Variants in SPTBN1 observed in about 807,000 individuals in gnomAD.
The protein encoded by SPTBN1 is spectrin beta, non-erythrocytic 1, also known as spectrin beta chain, non-erythrocytic 1.
In SPTBN1, 32 loss-of-function variants were observed where a neutral mutation model predicts 266.4. The observed-to-expected ratio is 0.12, with a 90% CI of 0.09 to 0.16. The LOEUF (loss-of-function observed/expected upper bound fraction) is 0.16, where lower values mean the gene tolerates loss of function less well. SPTBN1 is among the 10% of genes least tolerant of loss of function. SPTBN1 has a pLI of 1.00. For missense variants in SPTBN1, 2,296 were observed against 3,067.1 expected, an observed-to-expected ratio of 0.75 and a Z score of 5.94; for synonymous variants, 1,336 against 1,162.2, an observed-to-expected ratio of 1.15 and a Z score of -3.04.
intron 1 of SPTBN1, among the ~76,000 whole-genome samples, chr2:54,480,453 A>C (rs1454651094): frequency 1.3e-5 from 2 of 152,252 alleles, no homozygotes; most frequent in Non-Finnish European, 2.9e-5. Context: ...TGTCTTATGC[A>C]GTATTTGAGA....
chr2:54,643,264 TC>T (rs1447400848), intron 19 of SPTBN1, 135 bp downstream of exon 19: 1 of 1,317,318 alleles, frequency 7.6e-7, no homozygotes, highest in Non-Finnish European at 1.0e-6. Flanking sequence ...CAGTAATAGC[TC>T]CCTTTGCACG....
chr2:54,585,584 A>C (rs1278125006), intron 2 of SPTBN1, among the ~76,000 whole-genome samples: 1 of 152,190 alleles, frequency 6.6e-6, no homozygotes, highest in Admixed American at 6.5e-5. Flanking sequence ...TCAGTGTTTG[A>C]CCCTATGTGT....
At chr2:54,492,522 G>C (rs1441924444) in intron 1 of SPTBN1, among the ~76,000 whole-genome samples, 1 of 152,150 alleles carries the variant, frequency 6.6e-6, no homozygotes, top group Non-Finnish European at 1.5e-5. Context: ...CCTCACTGCA[G>C]GTGGTGGACC....
At position 54,573,956 on chromosome 2, in the gene SPTBN1, G is replaced by C. The variant is rs571519791; in HGVS notation, c.149-25136G>C. On this transcript the variant is annotated intron_variant, in intron 2 of 35. Transcript: ENST00000356805. ...AACACCAGCCCTCCCTTCTCCTCTG[G>C]GGTTGCTGTGAGAATCAGTTAGAAT... 2.5e-3 allele frequency among the ~76,000 whole-genome samples: 375 copies of C among 152,100 alleles called. 1 individual carries two copies. Among genetic ancestry groups the C allele is most frequent in the Admixed American group, 6.2e-3 (94 of 15,270 alleles).
At chr2:54,489,254 G>C (rs907615403) in intron 1 of SPTBN1, among the ~76,000 whole-genome samples, 2 of 151,176 alleles carry the variant, frequency 1.3e-5, no homozygotes, top group Non-Finnish European at 2.9e-5. Context: ...CCAGGAAGTT[G>C]AGGCTATAGT....
In SPTBN1 at chr2:54,644,337, C is replaced by G. The variant is rs769886806; in HGVS notation, c.4020C>G (p.Leu1340=). The part of the protein sequence containing the change: ...LDKIEKEGMQ[L]ISEKPETEAV... ...TTGTTTTCCAGGAAGGAATGCAGCT[C>G]ATTTCAGAAAAGCCTGAGACGGAAG... Residue 1340 remains leucine, a synonymous_variant, in exon 20 of 36, where the codon CTC becomes CTG. Transcript: ENST00000356805. The G allele has an allele frequency of 4.3e-5, 69 of 1,609,342 alleles. No individual in the cohort carries two copies. Among genetic ancestry groups the G allele is most frequent in the Non-Finnish European group, 5.7e-5 (67 of 1,175,960 alleles).
chr2:54,642,949 T>A, intron 18 of SPTBN1, 34 bp from the exon 19 acceptor site: 1 of 1,597,394 alleles, frequency 6.3e-7, no homozygotes, highest in Non-Finnish European at 8.6e-7. Context: ...ATGTCTAGGA[T>A]CACAATCTCT....
chr2:54,575,249 C>T (rs1674380823), intron 2 of SPTBN1, among the ~76,000 whole-genome samples: 1 of 152,190 alleles, frequency 6.6e-6, no homozygotes. Flanking sequence ...CACACCTAAC[C>T]TAGCAATACA....
intron 11 of SPTBN1, 40 bp from the exon 12 acceptor site, chr2:54,625,892 G>A (rs778998529): frequency 6.3e-7 from 1 of 1,594,776 alleles, no homozygotes; most frequent in African/African-American, 1.3e-5. Flanking sequence ...TGCCCGGGTG[G>A]ATTTTTTATT....
chr2:54,653,361 G>T lies in SPTBN1; in HGVS notation c.5578-248G>T. 2.0e-6 allele frequency: 1 copy of T among 491,466 alleles called. No individual in the cohort carries two copies. The highest frequency in any genetic ancestry group is 3.4e-5 in the South Asian group (1 of 29,606). 30.4% of individuals were successfully genotyped at this position (491,466 alleles called of 1,614,324 possible). On this transcript the variant is annotated intron_variant, in intron 26 of 35. Coordinates refer to ENST00000356805, the MANE Select transcript of SPTBN1 (RefSeq NM_003128.3). The surrounding 1 kb of genome is among the most constrained non-coding windows in gnomAD (Gnocchi z 5.1). ...TTTCCCTGACTAAACTCTCCTGCCT[G>T]TCTTCCTGTAGCATTTCATTTGTTT...
chr2:54,495,668 T>C (rs1240008291), intron 1 of SPTBN1, among the ~76,000 whole-genome samples: 1 of 152,070 alleles, frequency 6.6e-6, no homozygotes, highest in Non-Finnish European at 1.5e-5. Context: ...AATCATAATT[T>C]GCATGTGTTT....
intron 7 of SPTBN1, among the ~76,000 whole-genome samples, chr2:54,618,880 G>A (rs1677812797): frequency 6.6e-6 from 1 of 152,208 alleles, no homozygotes; most frequent in Admixed American, 6.5e-5. Context: ...TCTTTACTCT[G>A]TGAGTCCCTG....
At chr2:54,598,899 T>C (rs894093098) in intron 2 of SPTBN1, among the ~76,000 whole-genome samples, 193 bp from the exon 3 acceptor site, 1 of 152,154 alleles carries the variant, frequency 6.6e-6, no homozygotes, top group Non-Finnish European at 1.5e-5. Flanking sequence ...GTCAAAAAAT[T>C]GTAAGTTGAA....
chr2:54,545,049 A>G lies in SPTBN1; in HGVS notation c.148+18483A>G, dbSNP rs1672160792. Reference sequence around the variant, plus strand: ...GTGTTTGGTTTTCTGTCCTTGTGATAGTTTGCTTAGAATGATGGTTTCCAG... The same window carrying G: ...GTGTTTGGTTTTCTGTCCTTGTGATGGTTTGCTTAGAATGATGGTTTCCAG... On this transcript the variant is annotated intron_variant, in intron 2 of 35. Transcript: ENST00000356805. Among the ~76,000 whole-genome samples the G allele has an allele frequency of 2.0e-5, 3 of 152,168 alleles. No homozygotes were observed. In the South Asian group the frequency reaches 6.2e-4, roughly 32 times the overall value.
Position 54,646,617 on chromosome 2 carries a change from G to T in SPTBN1, c.4866+142G>T. 1 of 985,404 alleles carries T rather than the reference G, an allele frequency of 1.0e-6. No homozygotes were observed. The highest frequency in any genetic ancestry group is 1.4e-6 in the Non-Finnish European group (1 of 729,110). The allele number at this position is 985,404 out of a possible 1,614,324, so 61.0% of individuals were successfully genotyped here. On this transcript the variant is annotated intron_variant, in intron 23 of 35. Coordinates refer to ENST00000356805, the MANE Select transcript of SPTBN1 (RefSeq NM_003128.3). The surrounding 1 kb of genome is among the most constrained non-coding windows in gnomAD (Gnocchi z 4.4). ...AAGGGGACACCATGTGCATGAAGGT[G>T]TCTGAAATCCAGCTGCTGGTTTCCC...
chr2:54,572,506 G>C (rs756563782), intron 2 of SPTBN1, among the ~76,000 whole-genome samples: 1 of 152,174 alleles, frequency 6.6e-6, no homozygotes, highest in Non-Finnish European at 1.5e-5. Context: ...TGAGCAAATA[G>C]AGGCTGGGCT....
intron 1 of SPTBN1, among the ~76,000 whole-genome samples, chr2:54,486,540 A>T (rs1197985175): frequency 6.6e-6 from 1 of 152,082 alleles, no homozygotes; most frequent in African/African-American, 2.4e-5. Flanking sequence ...GTTAAGAGTC[A>T]TCACCACTCC....
chr2:54,568,219 A>G (rs977638761), intron 2 of SPTBN1, among the ~76,000 whole-genome samples: 2 of 152,050 alleles, frequency 1.3e-5, no homozygotes, highest in Admixed American at 6.6e-5. Context: ...CGTCTCTACT[A>G]AAAATACAAA....
chr2:54,659,682 T>A (rs1010951799), intron 31 of SPTBN1, among the ~76,000 whole-genome samples: 1 of 152,180 alleles, frequency 6.6e-6, no homozygotes, highest in African/African-American at 2.4e-5. Flanking sequence ...TATTTTGCTA[T>A]GGTAAGAGTT....
Sources: allele counts gnomAD v4.1 joint callset (sites outside exome capture counted in the v4.1 genomes callset), GRCh38; gene constraint gnomAD v4.1.1; non-coding constraint Gnocchi (gnomAD v3.1); transcripts MANE v1.5; gene names NCBI Gene and HGNC (gene_info 2026-07-23, HGNC 2026-07-21).